SCRG1: variants seen among roughly 807,000 people sequenced by gnomAD.
SCRG1 encodes the protein stimulator of chondrogenesis 1.
Under a neutral mutation model 7.7 loss-of-function variants are expected in SCRG1, and 3 were observed. That is an observed-to-expected ratio of 0.39 (90% CI 0.18 to 1.01). The LOEUF (loss-of-function observed/expected upper bound fraction) is 1.01, where lower values mean the gene tolerates loss of function less well. Among genes scored for constraint, SCRG1 ranks in the 50% least tolerant of loss-of-function variants. The pLI is 0.36. For synonymous variants in SCRG1, 46 were observed against 41.2 expected (o/e 1.12, Z -0.44); for missense variants, 110 against 117.2 (o/e 0.94, Z 0.28).
At chr4:173,446,540 G>A in the SCRG1 span, 1 of 152,108 alleles carries the variant, frequency 6.6e-6, no homozygotes, top group Non-Finnish European at 1.5e-5. Flanking sequence ...AAGCCAGAAG[G>A]TTTCTCAGTT....
chr4:173,432,798 C>T, the SCRG1 span, among the ~76,000 whole-genome samples: 7 of 152,126 alleles, frequency 4.6e-5, no homozygotes, highest in Non-Finnish European at 1.0e-4. Flanking sequence ...TTCAAGCTAC[C>T]CTATATGTTT....
At chr4:173,518,465 C>A in the SCRG1 span, among the ~76,000 whole-genome samples, 1 of 152,168 alleles carries the variant, frequency 6.6e-6, no homozygotes. Flanking sequence ...TTCAGGAATG[C>A]GAAACTCGGG....
chr4:173,441,945 C>G, the SCRG1 span, among the ~76,000 whole-genome samples: 1 of 152,128 alleles, frequency 6.6e-6, no homozygotes, highest in Non-Finnish European at 1.5e-5. Flanking sequence ...CATGATAGAC[C>G]GTAAAATCCA....
At chr4:173,424,214 T>A in the SCRG1 span, among the ~76,000 whole-genome samples, 1 of 152,176 alleles carries the variant, frequency 6.6e-6, no homozygotes, top group Admixed American at 6.5e-5. Context: ...TTCAGATACA[T>A]AAGGACAACA....
rs1739258909 is a variant in SCRG1, at chr4:173,386,709, T to G, written c.*1632A>C. ...ATAAAATGATATCTCCCAGATTGCC[T>G]GTGTGGTATGGTGTCTCTCAAACAT... On this transcript the variant is annotated 3_prime_UTR_variant, in exon 3 of 3. Coordinates refer to ENST00000296506, the MANE Select transcript of SCRG1 (RefSeq NM_007281.4). 6.6e-6 allele frequency: 1 copy of G among 152,210 alleles called. No individual in the cohort carries two copies. Among genetic ancestry groups the G allele is most frequent in the Non-Finnish European group, 1.5e-5 (1 of 68,040 alleles). 9.4% of individuals were successfully genotyped at this position (152,210 alleles called of 1,614,324 possible).
At chr4:173,483,572 T>G in the SCRG1 span, among the ~76,000 whole-genome samples, 1 of 88,946 alleles carries the variant, frequency 1.1e-5, no homozygotes, top group African/African-American at 4.6e-5. Flanking sequence ...TATTGTGATA[T>G]ATAATATATA....
chr4:173,460,422 G>A, the SCRG1 span, among the ~76,000 whole-genome samples: 1 of 152,186 alleles, frequency 6.6e-6, no homozygotes, highest in African/African-American at 2.4e-5. Flanking sequence ...TTTCACTTGA[G>A]GAGAGGAGAG....
intron 1 of SCRG1, chr4:173,398,578 A>G (rs927476429): frequency 1.3e-5 from 2 of 152,258 alleles, no homozygotes; most frequent in Admixed American, 6.5e-5. Flanking sequence ...CCCTCTTTGT[A>G]TCACACATTT....
the SCRG1 span, among the ~76,000 whole-genome samples, chr4:173,515,659 G>C: frequency 6.6e-6 from 1 of 152,108 alleles, no homozygotes; most frequent in Non-Finnish European, 1.5e-5. The surrounding 1 kb of genome is among the most constrained non-coding windows in gnomAD (Gnocchi z 4.6). Context: ...GCGGGGAGGT[G>C]GTGGGGCTGT....
the SCRG1 span, among the ~76,000 whole-genome samples, chr4:173,435,214 G>A: frequency 6.6e-6 from 1 of 152,112 alleles, no homozygotes; most frequent in Non-Finnish European, 1.5e-5. Context: ...GGAGCTAGGA[G>A]CAATACAGTG....
chr4:173,413,883 T>C, the SCRG1 span, among the ~76,000 whole-genome samples: 4 of 152,198 alleles, frequency 2.6e-5, no homozygotes, highest in Non-Finnish European at 4.4e-5. Flanking sequence ...AATATCTGGA[T>C]GCTGCACCCC....
At chr4:173,463,527 G>GT in the SCRG1 span, among the ~76,000 whole-genome samples, 2 of 152,074 alleles carry the variant, frequency 1.3e-5, no homozygotes, top group African/African-American at 4.8e-5. Flanking sequence ...GCCCACCTTG[G>GT]TTTTTAATAG....
the SCRG1 span, among the ~76,000 whole-genome samples, chr4:173,475,357 A>T: frequency 6.6e-6 from 1 of 152,232 alleles, no homozygotes; most frequent in Admixed American, 6.6e-5. Context: ...GATGGGGCCA[A>T]GGATGCTAAA....
In SCRG1 at chr4:173,391,230, C is replaced by G. The variant is rs550543749; in HGVS notation, c.185G>C (p.Gly62Ala). The part of the protein sequence containing the change: ...DVNVQDHFWD[G>A]KGCEMICYCN... ...GTAACAGATCATCTCACATCCCTTC[C>G]CATCCCAGAAATGATCCTGGACATT... Residue 62 changes from glycine (G) to alanine (A), a missense_variant, in exon 2 of 3, where the codon GGG becomes GCG. By Grantham distance (60) the Gly-to-Ala change is moderately conservative. Coordinates refer to ENST00000296506, the MANE Select transcript of SCRG1 (RefSeq NM_007281.4). 4.3e-5 allele frequency: 70 copies of G among 1,614,020 alleles called. No individual in the cohort carries two copies. The highest frequency in any genetic ancestry group is 5.7e-5 in the Non-Finnish European group (67 of 1,179,990).
At chr4:173,478,983 T>G in the SCRG1 span, among the ~76,000 whole-genome samples, 1 of 152,208 alleles carries the variant, frequency 6.6e-6, no homozygotes. Flanking sequence ...TCAATTTCAG[T>G]GTGTGGCACA....
At chr4:173,440,851 A>C in the SCRG1 span, among the ~76,000 whole-genome samples, 5 of 151,998 alleles carry the variant, frequency 3.3e-5, no homozygotes, top group Admixed American at 1.3e-4. Context: ...TAGATGCATC[A>C]CTCCAATCTC....
At chr4:173,501,366 G>C in the SCRG1 span, among the ~76,000 whole-genome samples, 2 of 152,206 alleles carry the variant, frequency 1.3e-5, no homozygotes, top group Non-Finnish European at 2.9e-5. The surrounding 1 kb of genome is among the most constrained non-coding windows in gnomAD (Gnocchi z 5.1). Context: ...TTTGCTCTCG[G>C]CCGCCCCAAA....
intron 2 of SCRG1, chr4:173,389,584 C>T: frequency 5.2e-6 from 1 of 193,316 alleles, no homozygotes. Flanking sequence ...ACCATAATTG[C>T]TGGGTCCTAC....
the SCRG1 span, among the ~76,000 whole-genome samples, chr4:173,482,139 T>C: frequency 6.6e-6 from 1 of 152,174 alleles, no homozygotes. Flanking sequence ...TAATTAGCAG[T>C]TGGGCATAAT....
Sources: gnomAD v4.1 joint callset for allele counts (sites outside exome capture counted in the v4.1 genomes callset) on GRCh38, gnomAD v4.1.1 for gene constraint, Gnocchi (gnomAD v3.1) non-coding constraint, MANE v1.5 for transcripts, NCBI Gene and HGNC (gene_info 2026-07-23, HGNC 2026-07-21) for gene names.